C1orf159: variants seen among roughly 807,000 people sequenced by gnomAD.
C1orf159 encodes the protein uncharacterized protein C1orf159.
A neutral mutation model predicts 25.6 loss-of-function variants in C1orf159; 19 were observed. The observed-to-expected ratio is 0.74, with a 90% CI of 0.52 to 1.09. The LOEUF (loss-of-function observed/expected upper bound fraction) is 1.09, where lower values mean the gene tolerates loss of function less well. Among genes scored for constraint, C1orf159 ranks in the 50% least tolerant of loss-of-function variants. C1orf159 has a pLI of 0.00. For synonymous variants in C1orf159, 139 were observed against 124.7 expected (o/e 1.12, Z -0.77); for missense variants, 274 against 290.6 (o/e 0.94, Z 0.42).
chr1:1,083,236 T>C (rs1645773432), intron 9 of C1orf159: 2 of 472,642 alleles, frequency 4.2e-6, no homozygotes, highest in East Asian at 3.6e-5. Flanking sequence ...CCCCGGGGCC[T>C]GGACAAGGGC....
chr1:1,102,620 A>G (rs1269717957), intron 1 of C1orf159, among the ~76,000 whole-genome samples: 2 of 81,870 alleles, frequency 2.4e-5, no homozygotes, highest in African/African-American at 1.8e-4. Flanking sequence ...CTACTAAAAA[A>G]AAAAAAAAAA....
intron 1 of C1orf159, among the ~76,000 whole-genome samples, chr1:1,102,379 CT>C (rs756300868): frequency 1.1e-3 from 160 of 144,186 alleles, no homozygotes; most frequent in Middle Eastern, 3.6e-3. Flanking sequence ...CACTTCCACC[CT>C]TTTTTTTTTT....
intron 3 of C1orf159, 49 bp downstream of exon 3, chr1:1,091,423 C>G (rs764078338): frequency 2.0e-6 from 3 of 1,507,882 alleles, no homozygotes; most frequent in Non-Finnish European, 2.7e-6. Context: ...CACCGCCCTC[C>G]ACAGAGGCTC....
Position 1,087,498 on chromosome 1 carries a change from C to T in C1orf159, c.244+4G>A. On this transcript the variant is annotated splice_donor_region_variant and intron_variant, in intron 5 of 9. Coordinates refer to ENST00000421241, the MANE Select transcript of C1orf159 (RefSeq NM_017891.5). This position sits in a 1 kb window ranked among gnomAD's most constrained non-coding sequence, Gnocchi z 8.3. ...GGGAGCCGGGGGGAGCCGGGCAGACCTACAGCTTCTACACTCGGAGCCGTT... is the reference window on the plus strand; with the variant it reads ...GGGAGCCGGGGGGAGCCGGGCAGACTTACAGCTTCTACACTCGGAGCCGTT... 4 of 1,547,932 alleles carry T rather than the reference C, an allele frequency of 2.6e-6. No homozygotes were observed. The highest frequency in any genetic ancestry group is 3.5e-6 in the Non-Finnish European group (4 of 1,145,334).
chr1:1,104,058 G>C, intron 1 of C1orf159, among the ~76,000 whole-genome samples: 1 of 152,124 alleles, frequency 6.6e-6, no homozygotes. Flanking sequence ...CGCAATCTCA[G>C]CTCGCTGAAG....
chr1:1,090,568 GC>G, intron 3 of C1orf159, 140 bp from the exon 4 acceptor site: 1 of 904,476 alleles, frequency 1.1e-6, no homozygotes, highest in Non-Finnish European at 1.7e-6. Flanking sequence ...GCATCGGGTG[GC>G]CCTCTGTCCC....
At position 1,091,578 on chromosome 1, in the gene C1orf159, G is replaced by A. The variant is rs1193298040; in HGVS notation, c.-22-13C>T. The A allele has an allele frequency of 3.9e-6, 6 of 1,533,236 alleles. No individual in the cohort carries two copies. The South Asian group carries it at 7.2e-5, about 18-fold the overall frequency. 95.0% of individuals were successfully genotyped at this position (1,533,236 alleles called of 1,614,324 possible). Reference sequence around the variant, plus strand: ...AGATGCGCAGAGCCTGCCACAGGGAGGAGCATGCGGAGCCAAAGAGATGGA... The same window carrying A: ...AGATGCGCAGAGCCTGCCACAGGGAAGAGCATGCGGAGCCAAAGAGATGGA... On this transcript the variant is annotated splice_polypyrimidine_tract_variant and intron_variant, in intron 2 of 9. Transcript: ENST00000421241.
intron 1 of C1orf159, among the ~76,000 whole-genome samples, chr1:1,096,436 G>A: frequency 6.6e-6 from 1 of 152,164 alleles, no homozygotes; most frequent in East Asian, 1.9e-4. Context: ...CCAAAGTGCT[G>A]GGATTACACG....
At position 1,093,116 on chromosome 1, in the gene C1orf159, TCA is replaced by T. The variant is rs554796194; in HGVS notation, c.-135-1015_-135-1014del. Among the ~76,000 whole-genome samples the T allele has an allele frequency of 6.1e-4, 93 of 152,080 alleles. 1 individual carries two copies. The highest frequency in any genetic ancestry group is 1.2e-3 in the Non-Finnish European group (82 of 68,016). On this transcript the variant is annotated intron_variant, in intron 1 of 9. Coordinates refer to ENST00000421241, the MANE Select transcript of C1orf159 (RefSeq NM_017891.5). Reference sequence around the variant, plus strand: ...TCCTTTCAGATGGAACGTGTTGAAGTCACAGACATGCTGCTCGCCCCACCCAC... The same window carrying T: ...TCCTTTCAGATGGAACGTGTTGAAGTCAGACATGCTGCTCGCCCCACCCAC...
chr1:1,104,090 C>T (rs1346258474), intron 1 of C1orf159, among the ~76,000 whole-genome samples: 1 of 152,112 alleles, frequency 6.6e-6, no homozygotes. Flanking sequence ...CAGGCTCACG[C>T]GATTCTCCTG....
chr1:1,095,740 T>C (rs1646001333), intron 1 of C1orf159, among the ~76,000 whole-genome samples: 1 of 152,224 alleles, frequency 6.6e-6, no homozygotes, highest in African/African-American at 2.4e-5. Context: ...TCATCCTTGT[T>C]CTTGATTTTA....
rs1645746458 is a variant in C1orf159 at position 1,081,843 on chromosome 1, A to G, written c.*1050T>C. 1.3e-5 allele frequency: 2 copies of G among 152,312 alleles called. No individual in the cohort carries two copies. The highest frequency in any genetic ancestry group is 4.8e-5 in the African/African-American group (2 of 41,450). 9.4% of individuals were successfully genotyped at this position (152,312 alleles called of 1,614,324 possible). On this transcript the variant is annotated 3_prime_UTR_variant, in exon 10 of 10. Transcript: ENST00000421241. This position sits in a 1 kb window ranked among gnomAD's most constrained non-coding sequence, Gnocchi z 7.1. ...GCAGCTTGAGTAATGCCGACTTTAT[A>G]TCAGCACACCCAGTGCCCCCACGTT... is the stretch of plus-strand genomic sequence containing the variant.
intron 1 of C1orf159, among the ~76,000 whole-genome samples, chr1:1,100,689 C>G (rs775003083): frequency 6.6e-6 from 1 of 152,094 alleles, no homozygotes; most frequent in African/African-American, 2.4e-5. Context: ...CCCTCTTTTG[C>G]GTGATTTGAA....
intron 1 of C1orf159, among the ~76,000 whole-genome samples, chr1:1,113,651 A>C (rs1646293090): frequency 6.6e-6 from 1 of 152,216 alleles, no homozygotes; most frequent in African/African-American, 2.4e-5. Context: ...ACCTTAGAGC[A>C]GGAGCAACAG....
At chr1:1,090,970 C>T (rs1645921377) in intron 3 of C1orf159, 1 of 1,550,054 alleles carries the variant, frequency 6.5e-7, no homozygotes, top group Non-Finnish European at 8.7e-7. Context: ...CACAGCTGTG[C>T]TGTTTCTCGT....
At chr1:1,086,277 C>T (rs1439659131) in intron 6 of C1orf159, among the ~76,000 whole-genome samples, 1 of 152,262 alleles carries the variant, frequency 6.6e-6, no homozygotes, top group Non-Finnish European at 1.5e-5. Context: ...ATGTTGGGAG[C>T]GTTACAGGGG....
At chr1:1,086,405 C>T (rs1029300690) in intron 6 of C1orf159, among the ~76,000 whole-genome samples, 1 of 152,256 alleles carries the variant, frequency 6.6e-6, no homozygotes, top group Admixed American at 6.5e-5. Flanking sequence ...GGCCCCCACA[C>T]AGGGCAGAGC....
intron 1 of C1orf159, among the ~76,000 whole-genome samples, chr1:1,101,689 T>C (rs867583415): frequency 1.3e-5 from 2 of 152,152 alleles, no homozygotes; most frequent in South Asian, 2.1e-4. Flanking sequence ...TCATGGTTTA[T>C]CAGCTCAGTC....
At chr1:1,109,351 C>T (rs187869022) in intron 1 of C1orf159, among the ~76,000 whole-genome samples, 37 of 152,296 alleles carry the variant, frequency 2.4e-4, no homozygotes, top group African/African-American at 4.8e-4. Flanking sequence ...GAAAAGACAA[C>T]GGTGGTTGCC....
Sources: gnomAD v4.1 joint callset for allele counts (sites outside exome capture counted in the v4.1 genomes callset) on GRCh38, gnomAD v4.1.1 for gene constraint, Gnocchi (gnomAD v3.1) non-coding constraint, MANE v1.5 for transcripts, NCBI Gene and HGNC (gene_info 2026-07-23, HGNC 2026-07-21) for gene names.